The following KANSL1 variants were observed in gnomAD, a reference collection of about 807,000 sequenced individuals.
The protein encoded by KANSL1 is KAT8 regulatory NSL complex subunit 1.
Under a neutral mutation model 103.6 loss-of-function variants are expected in KANSL1, and 22 were observed. The ratio of observed to expected loss-of-function variants is 0.21; its 90% CI spans 0.15 to 0.30. The LOEUF (loss-of-function observed/expected upper bound fraction) is 0.30, where lower values mean the gene tolerates loss of function less well. Ranked by LOEUF, KANSL1 falls within the 10% of genes least tolerant of loss-of-function variation. The pLI is 1.00. For missense variants in KANSL1, 1,337 were observed against 1,399.8 expected (o/e 0.96, Z 0.72); for synonymous variants, 600 against 527.6 (o/e 1.14, Z -1.88).
chr17:46,047,966 G>A (rs1167099534), intron 7 of KANSL1, among the ~76,000 whole-genome samples: 1 of 151,260 alleles, frequency 6.6e-6, no homozygotes, highest in Non-Finnish European at 1.5e-5. Flanking sequence ...GCAGTGCATT[G>A]GCTCAATCAT....
At chr17:46,076,495 CA>C (rs36086421) in intron 4 of KANSL1, among the ~76,000 whole-genome samples, 4,597 of 79,522 alleles carry the variant, frequency 0.058, 156 homozygotes, top group African/African-American at 0.18. Flanking sequence ...GACTTCATCT[CA>C]AAAAAAAAAA....
rs1300080423 is a variant in KANSL1 at position 46,067,622 on chromosome 17, T to C, written c.1579A>G (p.Ile527Val). ...GACAGTGACTCTGAAATATGACCAA[T>C]AATAGGGGCACCATGGTTTTCCAAT... The part of the protein sequence containing the change: ...QPLENHGAPI[I>V]GHISESLSTK... The change falls in exon 5 of 15, where the codon ATT becomes GTT. Residue 527 changes from isoleucine to valine, a missense_variant. Around this residue, in one of 2 missense-constraint regions of KANSL1, gnomAD observed 780 missense variants for 923.4 expected, o/e 0.84. Coordinates refer to ENST00000432791, the MANE Select transcript of KANSL1 (RefSeq NM_015443.4). The C allele has an allele frequency of 1.2e-6, 2 of 1,606,704 alleles. No individual in the cohort carries two copies. Among genetic ancestry groups the C allele is most frequent in the Admixed American group, 1.7e-5 (1 of 59,966 alleles).
At chr17:46,074,713 G>A (rs940020134) in intron 4 of KANSL1, among the ~76,000 whole-genome samples, 1 of 151,642 alleles carries the variant, frequency 6.6e-6, no homozygotes, top group Admixed American at 6.6e-5. Flanking sequence ...GGCTGGAGTG[G>A]TGATTGCGAC....
Position 46,067,608 on chromosome 17 carries a change from T to C in KANSL1, c.1593A>G (p.Ser531=), listed in dbSNP as rs377097643. Reference sequence around the variant, plus strand: ...CACATGATTTGGTAGACAGTGACTCTGAAATATGACCAATAATAGGGGCAC... The same window carrying C: ...CACATGATTTGGTAGACAGTGACTCCGAAATATGACCAATAATAGGGGCAC... ...NHGAPIIGHI[S]ESLSTKSCGA... is the part of the protein sequence containing the mutation. Residue 531 remains serine (S), a synonymous_variant, in exon 5 of 15, where the codon TCA becomes TCG. Transcript: ENST00000432791. 1.7e-5 allele frequency: 27 copies of C among 1,609,112 alleles called. No homozygotes were observed. The highest frequency in any genetic ancestry group is 2.0e-5 in the Non-Finnish European group (24 of 1,175,596).
intron 2 of KANSL1, among the ~76,000 whole-genome samples, chr17:46,102,214 C>T (rs1325912288): frequency 1.3e-5 from 2 of 152,154 alleles, no homozygotes; most frequent in African/African-American, 2.4e-5. Context: ...CAGCTTTCTA[C>T]AGATATCTGT....
chr17:46,070,739 ATATATGGTATATATAATT>A (rs1386523625), intron 4 of KANSL1, among the ~76,000 whole-genome samples: 2 of 152,052 alleles, frequency 1.3e-5, no homozygotes, highest in African/African-American at 2.4e-5. Flanking sequence ...GATTTGATTT[ATATATGGTATATATAATT>A]TATATGGTAT....
At chr17:46,191,217 A>G (rs2047304327) in intron 1 of KANSL1, among the ~76,000 whole-genome samples, 1 of 152,244 alleles carries the variant, frequency 6.6e-6, no homozygotes, top group Non-Finnish European at 1.5e-5. Flanking sequence ...ACAGGATTAA[A>G]AGTAAAAATT....
At chr17:46,147,570 T>TTC (rs2044783201) in intron 2 of KANSL1, among the ~76,000 whole-genome samples, 2 of 89,432 alleles carry the variant, frequency 2.2e-5, no homozygotes, top group Admixed American at 1.5e-4. Flanking sequence ...AGTGAGACTC[T>TTC]TTAAAAAAAA....
intron 2 of KANSL1, among the ~76,000 whole-genome samples, chr17:46,155,080 A>G (rs2045342771): frequency 1.3e-5 from 2 of 152,200 alleles, no homozygotes; most frequent in Admixed American, 1.3e-4. Context: ...TGGCATTCAG[A>G]AAAGTTGATG....
intron 1 of KANSL1, among the ~76,000 whole-genome samples, chr17:46,205,244 G>C (rs1245814367): frequency 6.6e-6 from 1 of 152,122 alleles, no homozygotes; most frequent in Non-Finnish European, 1.5e-5. Context: ...AACTATTAGA[G>C]CCAATAAACA....
intron 2 of KANSL1, among the ~76,000 whole-genome samples, chr17:46,116,517 G>A (rs778611538): frequency 1.3e-5 from 2 of 151,942 alleles, no homozygotes; most frequent in East Asian, 1.9e-4. Flanking sequence ...GCAACAGAGC[G>A]CGACTCCGTC....
At chr17:46,033,973 G>C (rs2077081015) in intron 11 of KANSL1, among the ~76,000 whole-genome samples, 188 bp downstream of exon 11, 1 of 152,176 alleles carries the variant, frequency 6.6e-6, no homozygotes, top group Non-Finnish European at 1.5e-5. Flanking sequence ...TGGTTCGTTT[G>C]GTGTATTCCT....
chr17:46,219,985 C>G lies in KANSL1; in HGVS notation c.-90+3686G>C, dbSNP rs137980846. Among the ~76,000 whole-genome samples the G allele has an allele frequency of 4.9e-3, 749 of 151,874 alleles. 5 individuals are homozygous for G. Among genetic ancestry groups the G allele is most frequent in the African/African-American group, 0.017 (714 of 41,428 alleles). ...GGGCGTGGTGGCGGGCGCCTGTGGTCCCAGCTACTCGGGAGGCTGAGGCAG... is the reference window on the plus strand; with the variant it reads ...GGGCGTGGTGGCGGGCGCCTGTGGTGCCAGCTACTCGGGAGGCTGAGGCAG... On this transcript the variant is annotated intron_variant, in intron 1 of 14. Transcript: ENST00000572904.
intron 2 of KANSL1, among the ~76,000 whole-genome samples, chr17:46,105,064 C>A (rs775937036): frequency 6.6e-6 from 1 of 152,126 alleles, no homozygotes. Context: ...CCACCCACCT[C>A]GGCTTCCCAA....
rs2147748223 is a variant in KANSL1 at position 46,171,759 on chromosome 17, G to A, written c.385C>T (p.Pro129Ser). The A allele has an allele frequency of 1.3e-6, 2 of 1,592,242 alleles. No homozygotes were observed. Among genetic ancestry groups the A allele is most frequent in the Admixed American group, 1.8e-5 (1 of 54,210 alleles). Reference sequence around the variant, plus strand: ...TTTTCTAAGGAAAACTCCAAAACTGGCTGTCTCCCCAACAGCTCAGCTCGG... The same window carrying A: ...TTTTCTAAGGAAAACTCCAAAACTGACTGTCTCCCCAACAGCTCAGCTCGG... ...ELRAELLGRQPVLEFSLENLR... is the reference protein window; with the variant it reads ...ELRAELLGRQSVLEFSLENLR... The change falls in exon 2 of 15, where the codon CCA becomes TCA. Residue 129 changes from proline to serine, a missense_variant. By Grantham distance (74) the Pro-to-Ser change is moderately conservative. Coordinates refer to ENST00000432791, the MANE Select transcript of KANSL1 (RefSeq NM_015443.4).
At chr17:46,185,690 TATACAC>T (rs1303614659) in intron 1 of KANSL1, among the ~76,000 whole-genome samples, 39 of 66,028 alleles carry the variant, frequency 5.9e-4, no homozygotes, top group East Asian at 2.4e-3. Flanking sequence ...CACACACATA[TATACAC>T]ACACACACAC....
upstream of KANSL1, chr17:46,223,776 T>C (rs1408649335): frequency 6.6e-6 from 1 of 152,556 alleles, no homozygotes; most frequent in East Asian, 1.9e-4. Context: ...TATAAGCAGG[T>C]AGGAAAATCT....
rs570722569 is a variant in KANSL1, at chr17:46,149,453, G to T, written c.1289+21402C>A. 4.6e-5 allele frequency among the ~76,000 whole-genome samples: 7 copies of T among 152,324 alleles called. No individual in the cohort carries two copies. The South Asian group carries it at 1.4e-3, about 32-fold the overall frequency. The stretch of plus-strand genomic sequence containing the variant: ...GGTTGGCAAACTTTTTCTGTAAAGG[G>T]CCAGATGGCAAATATTTAGGCTTTG... On this transcript the variant is annotated intron_variant, in intron 2 of 14. Coordinates refer to ENST00000432791, the MANE Select transcript of KANSL1 (RefSeq NM_015443.4).
intron 1 of KANSL1, among the ~76,000 whole-genome samples, chr17:46,212,536 T>C (rs1440242453): frequency 6.6e-6 from 1 of 152,182 alleles, no homozygotes; most frequent in Non-Finnish European, 1.5e-5. Flanking sequence ...TTCTTTCAAA[T>C]ACTATTCCAT....
Sources: gnomAD v4.1 joint callset for allele counts (sites outside exome capture counted in the v4.1 genomes callset) on GRCh38, gnomAD v4.1.1 for gene constraint, gnomAD v4.1.1 regional missense constraint, MANE v1.5 for transcripts, NCBI Gene and HGNC (gene_info 2026-07-23, HGNC 2026-07-21) for gene names.